Variants in SCUBE2 observed in about 807,000 individuals in gnomAD.
SCUBE2 encodes the protein signal peptide, CUB and EGF-like domain-containing protein 2.
SCUBE2 carries 114 observed loss-of-function variants against 125.9 expected under a neutral mutation model. The ratio of observed to expected loss-of-function variants is 0.91; its 90% confidence interval spans 0.78 to 1.06. The LOEUF (loss-of-function observed/expected upper bound fraction) is 1.06. Ranked by LOEUF, SCUBE2 falls within the 50% of genes least tolerant of loss-of-function variation. SCUBE2 has a pLI of 0.00. For missense variants in SCUBE2, 1,255 were observed against 1,301.8 expected, an observed-to-expected ratio of 0.96 and a Z score of 0.55; for synonymous variants, 459 against 492.9, an observed-to-expected ratio of 0.93 and a Z score of 0.91.
chr11:9,025,877 G>C (rs574511873), intron 20 of SCUBE2, 23 bp from the exon 21 acceptor site: 1 of 1,610,828 alleles, frequency 6.2e-7, no homozygotes, highest in Admixed American at 1.7e-5. Context: ...GTTGGAGAAG[G>C]GTGGGGTTCA....
intron 2 of SCUBE2, among the ~76,000 whole-genome samples, chr11:9,080,354 T>C (rs1399743131): frequency 6.6e-6 from 1 of 152,118 alleles, no homozygotes; most frequent in Non-Finnish European, 1.5e-5. Context: ...AGAAAAAATA[T>C]GTGATAAACA....
chr11:9,024,532 G>T, intron 21 of SCUBE2: 1 of 574,740 alleles, frequency 1.7e-6, no homozygotes, highest in Middle Eastern at 3.1e-4. Flanking sequence ...CTTCCTCTAA[G>T]ATTAAGTCTA....
At chr11:9,053,860 A>G (rs1393267379) in intron 10 of SCUBE2, 101 bp from the exon 11 acceptor site, 1 of 1,420,766 alleles carries the variant, frequency 7.0e-7, no homozygotes, top group Non-Finnish European at 9.6e-7. Context: ...ACAAGGTTGA[A>G]ACTCACTAAC....
intron 7 of SCUBE2, chr11:9,064,721 T>C (rs773944096): frequency 7.2e-5 from 11 of 152,214 alleles, no homozygotes; most frequent in Non-Finnish European, 1.0e-4. Context: ...TGAAAATTTA[T>C]AATTTCTAAA....
intron 9 of SCUBE2, among the ~76,000 whole-genome samples, chr11:9,058,111 A>G (rs1404470554): frequency 6.6e-6 from 1 of 152,068 alleles, no homozygotes; most frequent in Non-Finnish European, 1.5e-5. Flanking sequence ...CCTCCCCACA[A>G]GCCCTCCCCC....
intron 7 of SCUBE2, among the ~76,000 whole-genome samples, 183 bp downstream of exon 7, chr11:9,065,708 C>A (rs946269775): frequency 1.3e-5 from 2 of 152,134 alleles, no homozygotes; most frequent in African/African-American, 4.8e-5. Flanking sequence ...AAGGGTCTTG[C>A]TTGGTTGGTG....
At chr11:9,021,977 T>A in intron 21 of SCUBE2, 22 bp from the exon 22 acceptor site, 3 of 1,574,876 alleles carry the variant, frequency 1.9e-6, no homozygotes, top group Non-Finnish European at 2.6e-6. Flanking sequence ...AAGAACATGT[T>A]TTGCATTCTT....
At chr11:9,023,790 T>C (rs1166311957) in intron 21 of SCUBE2, among the ~76,000 whole-genome samples, 1 of 152,182 alleles carries the variant, frequency 6.6e-6, no homozygotes, top group Non-Finnish European at 1.5e-5. Flanking sequence ...GTCTACTTTA[T>C]GGAGTGATTG....
chr11:9,028,391 G>A (rs1049886978), intron 19 of SCUBE2, among the ~76,000 whole-genome samples: 3 of 152,166 alleles, frequency 2.0e-5, no homozygotes, highest in African/African-American at 7.2e-5. Flanking sequence ...TAGGTACAGG[G>A]CATGCTGGAT....
rs1198288139 is a variant in SCUBE2 at position 9,033,647 on chromosome 11, A to G, written c.2152T>C (p.Trp718Arg). The stretch of plus-strand genomic sequence containing the variant: ...TTACCTCCACATTCAGACATATTCC[A>G]AGCTTCTGGGGTCTTCAGGGCCCCA... ...NSGALKTPEA[W>R]NMSECGGLCQ... Residue 718 changes from tryptophan to arginine, a missense_variant, in exon 17 of 23, where the codon TGG becomes CGG. Trp to Arg is a moderately radical substitution (Grantham distance 101). Transcript: ENST00000649792. 6.2e-7 allele frequency: 1 copy of G among 1,613,980 alleles called. No individual in the cohort carries two copies. The highest frequency in any genetic ancestry group is 1.7e-5 in the Admixed American group (1 of 60,006).
chr11:9,033,145 A>G (rs1856459137), intron 17 of SCUBE2, among the ~76,000 whole-genome samples: 1 of 152,246 alleles, frequency 6.6e-6, no homozygotes, highest in Non-Finnish European at 1.5e-5. Context: ...ATTGACTTCA[A>G]AGTTAACATT....
Position 9,021,923 on chromosome 11 carries a change from G to A in SCUBE2, c.2887C>T (p.Arg963Ter), listed in dbSNP as rs370986866. ...TCAGATGCATAGAGCCTGCCATCTC[G>A]AACTATGTCTTCAATGAGTTCCTGG... ...DYQELIEDIVRDGRLYASENH... is the reference protein window; with the variant it reads ...DYQELIEDIV The change falls in exon 22 of 23, where the codon CGA (arginine) becomes TGA (stop). Residue 963 changes from arginine to a stop codon, truncating the protein, a stop_gained. Coordinates refer to ENST00000649792, the MANE Select transcript of SCUBE2 (RefSeq NM_001367977.2). LOFTEE classifies it high-confidence loss of function. 1.3e-5 allele frequency: 21 copies of A among 1,613,648 alleles called. No individual in the cohort carries two copies. The Admixed American group carries it at 2.8e-4, about 22-fold the overall frequency.
rs77588529 is a variant in SCUBE2, at chr11:9,027,936, C to G, written c.2504-375G>C. Among the ~76,000 whole-genome samples the G allele has an allele frequency of 2.5e-3, 387 of 152,306 alleles. 2 individuals carry two copies. Among genetic ancestry groups the G allele is most frequent in the African/African-American group, 7.5e-3 (313 of 41,562 alleles). On this transcript the variant is annotated intron_variant, in intron 19 of 22. Coordinates refer to ENST00000649792, the MANE Select transcript of SCUBE2 (RefSeq NM_001367977.2). The stretch of plus-strand genomic sequence containing the variant: ...CTCTCAAAATAGGGGGAACAGAGCT[C>G]ATTGCTCTGCAGAGACTATCTGACC...
Position 9,074,499 on chromosome 11 carries a change from A to T in SCUBE2, c.499T>A (p.Cys167Ser). The change falls in exon 4 of 23, where the codon TGC becomes AGC. Residue 167 changes from cysteine (C) to serine (S), a missense_variant. By Grantham distance (112) the Cys-to-Ser change is moderately radical. Around this residue, in one of 3 missense-constraint regions of SCUBE2, gnomAD observed 362 missense variants for 323.0 expected, o/e 1.12. Transcript: ENST00000649792. ...GFFLSDNQHTCIHRSEEGLSC... is the reference protein window; with the variant it reads ...GFFLSDNQHTSIHRSEEGLSC... ...GAGGTACCTTCCGAGCGGTGAATGC[A>T]GGTGTGCTGATTGTCACTCAGGAAA... 1 of 1,614,174 alleles carries T rather than the reference A, an allele frequency of 6.2e-7. No homozygotes were observed. The highest frequency in any genetic ancestry group is 1.1e-5 in the South Asian group (1 of 91,082).
Position 9,030,940 on chromosome 11 carries a change from A to G in SCUBE2, c.2174-15T>C. 1.2e-6 allele frequency: 2 copies of G among 1,608,720 alleles called. No homozygotes were observed. Among genetic ancestry groups the G allele is most frequent in the Non-Finnish European group, 1.7e-6 (2 of 1,176,708 alleles). ...TTGACACAGACCTGGAAGGACCAATAGCCTTACGTGAGCAAGGCCTCCAGG... is the reference window on the plus strand; with the variant it reads ...TTGACACAGACCTGGAAGGACCAATGGCCTTACGTGAGCAAGGCCTCCAGG... On this transcript the variant is annotated splice_polypyrimidine_tract_variant and intron_variant, in intron 17 of 22. Transcript: ENST00000649792.
intron 3 of SCUBE2, among the ~76,000 whole-genome samples, chr11:9,075,497 G>A (rs2135846716): frequency 6.6e-6 from 1 of 152,330 alleles, no homozygotes; most frequent in Admixed American, 6.5e-5. Flanking sequence ...AGCCCATGTG[G>A]TTGGAGCATA....
Position 9,066,073 on chromosome 11 carries a change from G to A in SCUBE2, c.761-93C>T. On this transcript the variant is annotated intron_variant, in intron 6 of 22. Coordinates refer to ENST00000649792, the MANE Select transcript of SCUBE2 (RefSeq NM_001367977.2). ...GTGTTTGCTGAAATCCCAGACATAA[G>A]AGGAATGAAAGATATGTGACTCTGT... 6 of 845,966 alleles carry A rather than the reference G, an allele frequency of 7.1e-6. No individual in the cohort carries two copies. In the South Asian group the frequency reaches 7.7e-5, roughly 11 times the overall value. The allele number at this position is 845,966 out of a possible 1,614,324, so 52.4% of individuals were successfully genotyped here.
At chr11:9,036,304 T>C (rs1590023656) in intron 16 of SCUBE2, among the ~76,000 whole-genome samples, 1 of 152,232 alleles carries the variant, frequency 6.6e-6, no homozygotes, top group South Asian at 2.1e-4. Flanking sequence ...CTTCTCTAAA[T>C]GCAGCCCTAC....
intron 9 of SCUBE2, among the ~76,000 whole-genome samples, chr11:9,058,433 T>G (rs1859318903): frequency 6.6e-6 from 1 of 151,544 alleles, no homozygotes; most frequent in Admixed American, 6.6e-5. Context: ...CCGTCTCTAC[T>G]AAAAATGCAA....
Sources: gnomAD v4.1 joint callset for allele counts (sites outside exome capture counted in the v4.1 genomes callset) on GRCh38, gnomAD v4.1.1 for gene constraint, gnomAD v4.1.1 regional missense constraint, MANE v1.5 for transcripts, NCBI Gene and HGNC (gene_info 2026-07-23, HGNC 2026-07-21) for gene names.